The following AGBL4 variants were observed in gnomAD, a reference collection of about 807,000 sequenced individuals.
The protein encoded by AGBL4 is cytosolic carboxypeptidase 6.
A neutral mutation model predicts 66.4 loss-of-function variants in AGBL4; 58 were observed. The ratio of observed to expected loss-of-function variants is 0.87; its 90% CI spans 0.71 to 1.09. The LOEUF is 1.09. Among genes scored for constraint, AGBL4 ranks in the 50% least tolerant of loss-of-function variants. The pLI is 0.00. For synonymous variants in AGBL4, 234 were observed against 222.9 expected, an observed-to-expected ratio of 1.05 and a Z score of -0.44; for missense variants, 579 against 631.0, an observed-to-expected ratio of 0.92 and a Z score of 0.88.
chr1:49,630,024 C>T (rs1423183011), intron 3 of AGBL4, among the ~76,000 whole-genome samples: 1 of 152,162 alleles, frequency 6.6e-6, no homozygotes, highest in East Asian at 1.9e-4. Flanking sequence ...AGTCAAGCCC[C>T]CTTTGATGGT....
At position 48,843,493 on chromosome 1, in the gene AGBL4, T is replaced by C. The variant is rs557304291; in HGVS notation, c.634+23698A>G. On this transcript the variant is annotated intron_variant, in intron 6 of 13. Transcript: ENST00000371839. Reference sequence around the variant, plus strand: ...TGACCACCTGTTTTTGTATGGCCCATAAGCTAAAATGGTTTTCATATTTTC... The same window carrying C: ...TGACCACCTGTTTTTGTATGGCCCACAAGCTAAAATGGTTTTCATATTTTC... Among the ~76,000 whole-genome samples, 9 of 152,236 alleles carry C rather than the reference T, an allele frequency of 5.9e-5. No individual in the cohort carries two copies. The South Asian group carries it at 1.9e-3, about 32-fold the overall frequency.
At chr1:49,898,188 G>A (rs571788220) in intron 1 of AGBL4, among the ~76,000 whole-genome samples, 1 of 152,086 alleles carries the variant, frequency 6.6e-6, no homozygotes, top group Non-Finnish European at 1.5e-5. Context: ...CCACTAAATG[G>A]GAGAAAATAT....
intron 3 of AGBL4, among the ~76,000 whole-genome samples, chr1:49,323,841 A>G (rs993444463): frequency 3.3e-5 from 5 of 151,822 alleles, no homozygotes; most frequent in African/African-American, 1.2e-4. Flanking sequence ...AGATACCTAT[A>G]GAGGAAGCCA....
intron 2 of AGBL4, among the ~76,000 whole-genome samples, chr1:49,824,077 T>C (rs1479032909): frequency 6.6e-6 from 1 of 151,844 alleles, no homozygotes; most frequent in Non-Finnish European, 1.5e-5. Context: ...GGTGTGGTGG[T>C]GCATGCCTGT....
intron 3 of AGBL4, among the ~76,000 whole-genome samples, chr1:49,579,333 G>A (rs1644497604): frequency 6.6e-6 from 1 of 152,144 alleles, no homozygotes; most frequent in East Asian, 1.9e-4. Flanking sequence ...CCATGTATTT[G>A]TATACTTTCC....
intron 3 of AGBL4, among the ~76,000 whole-genome samples, chr1:49,655,727 G>T (rs1393579880): frequency 1.3e-5 from 2 of 152,158 alleles, no homozygotes; most frequent in Non-Finnish European, 2.9e-5. Flanking sequence ...AGGAGATAGA[G>T]ATACAAAATC....
At chr1:49,546,251 A>ATG (rs1254788633) in intron 3 of AGBL4, among the ~76,000 whole-genome samples, 4 of 151,802 alleles carry the variant, frequency 2.6e-5, no homozygotes, top group African/African-American at 7.2e-5. Context: ...CATCATATAT[A>ATG]TGTGTGTGTA....
At chr1:48,767,908 A>G (rs1201925249) in intron 6 of AGBL4, among the ~76,000 whole-genome samples, 2 of 152,162 alleles carry the variant, frequency 1.3e-5, no homozygotes, top group Non-Finnish European at 2.9e-5. Flanking sequence ...CCATTCAACA[A>G]ATACTGAGTG....
intron 3 of AGBL4, among the ~76,000 whole-genome samples, chr1:49,630,141 A>T (rs1008927642): frequency 6.6e-6 from 1 of 152,054 alleles, no homozygotes; most frequent in Non-Finnish European, 1.5e-5. Context: ...CATAAACAGT[A>T]TTGAGTCCAG....
At chr1:48,942,818 C>T (rs2148917385) in intron 5 of AGBL4, among the ~76,000 whole-genome samples, 1 of 152,170 alleles carries the variant, frequency 6.6e-6, no homozygotes, top group East Asian at 1.9e-4. Context: ...CTTCCAGCCT[C>T]AGTTTCTATA....
intron 7 of AGBL4, among the ~76,000 whole-genome samples, chr1:48,654,628 G>A (rs1347423430): frequency 1.3e-5 from 2 of 152,212 alleles, no homozygotes; most frequent in Non-Finnish European, 2.9e-5. Flanking sequence ...CTGTCAGAAA[G>A]GTAGGTTTGA....
intron 3 of AGBL4, among the ~76,000 whole-genome samples, chr1:49,667,152 T>C (rs1646387370): frequency 6.6e-6 from 1 of 152,090 alleles, no homozygotes; most frequent in Non-Finnish European, 1.5e-5. Flanking sequence ...TAACTACATA[T>C]ATTGTCTACA....
At chr1:48,609,254 C>G (rs945880931) in intron 9 of AGBL4, among the ~76,000 whole-genome samples, 6 of 152,182 alleles carry the variant, frequency 3.9e-5, no homozygotes, top group African/African-American at 1.4e-4. Flanking sequence ...TGCCACTCCT[C>G]CACTTAACAA....
chr1:48,838,317 G>T (rs754062835), intron 6 of AGBL4, among the ~76,000 whole-genome samples: 9 of 152,180 alleles, frequency 5.9e-5, no homozygotes, highest in East Asian at 1.9e-4. Flanking sequence ...AACCCAAACA[G>T]CATGATACTA....
Position 49,768,691 on chromosome 1 carries a change from G to C in AGBL4, c.158-71254C>G, listed in dbSNP as rs370766347. On this transcript the variant is annotated intron_variant, in intron 2 of 13. Coordinates refer to ENST00000371839, the MANE Select transcript of AGBL4 (RefSeq NM_032785.4). ...TCCTAGCCAGAGCAATCAGGCAAGA[G>C]AAAGAAACAAAGGCATTCAAATAGA... is the stretch of plus-strand genomic sequence containing the variant. 1.4e-3 allele frequency among the ~76,000 whole-genome samples: 210 copies of C among 152,144 alleles called. 1 individual carries two copies. Among genetic ancestry groups the C allele is most frequent in the African/African-American group, 4.7e-3 (197 of 41,512 alleles).
intron 6 of AGBL4, among the ~76,000 whole-genome samples, chr1:48,834,717 G>A (rs910641267): frequency 6.6e-6 from 1 of 152,216 alleles, no homozygotes; most frequent in Admixed American, 6.5e-5. Context: ...AAGCCACTAA[G>A]TCTATGGCAT....
At chr1:49,161,796 T>C (rs767965959) in intron 4 of AGBL4, among the ~76,000 whole-genome samples, 1 of 152,144 alleles carries the variant, frequency 6.6e-6, no homozygotes, top group Non-Finnish European at 1.5e-5. Context: ...TACTGCAATG[T>C]TCCAACCATA....
At chr1:49,992,769 T>C (rs1345430955) in intron 1 of AGBL4, among the ~76,000 whole-genome samples, 1 of 152,146 alleles carries the variant, frequency 6.6e-6, no homozygotes, top group African/African-American at 2.4e-5. Flanking sequence ...CAAGCTCCCT[T>C]ACGTCATCCT....
At chr1:49,163,013 C>G (rs1039734638) in intron 4 of AGBL4, among the ~76,000 whole-genome samples, 4 of 152,128 alleles carry the variant, frequency 2.6e-5, no homozygotes, top group African/African-American at 9.7e-5. Flanking sequence ...GTGACCTGAA[C>G]AAAGACAAAT....
Sources: allele counts gnomAD v4.1 joint callset (sites outside exome capture counted in the v4.1 genomes callset), GRCh38; gene constraint gnomAD v4.1.1; transcripts MANE v1.5; gene names NCBI Gene and HGNC (gene_info 2026-07-23, HGNC 2026-07-21).